MCCC1: variants seen among roughly 807,000 people sequenced by gnomAD.
MCCC1 encodes the protein methylcrotonyl-CoA carboxylase subunit 1.
Under a neutral mutation model 83.8 loss-of-function variants are expected in MCCC1, and 64 were observed. That is an observed-to-expected ratio of 0.76 (90% CI 0.62 to 0.94). MCCC1 has a LOEUF of 0.94. Among genes scored for constraint, MCCC1 ranks in the 40% least tolerant of loss-of-function variants. The pLI, the probability that MCCC1 is intolerant of heterozygous loss-of-function variation, is 0.00. For missense variants in MCCC1, 807 were observed against 904.7 expected (o/e 0.89, Z 1.39); for synonymous variants, 322 against 315.4 (o/e 1.02, Z -0.22).
intron 4 of MCCC1, among the ~76,000 whole-genome samples, chr3:183,079,908 G>C (rs889485111): frequency 1.8e-4 from 27 of 152,178 alleles, no homozygotes; most frequent in African/African-American, 6.3e-4. Context: ...CAAGGCTTGG[G>C]GCTTCCACCC....
chr3:183,067,819 C>G (rs1244901917), intron 7 of MCCC1, among the ~76,000 whole-genome samples: 2 of 152,192 alleles, frequency 1.3e-5, no homozygotes, highest in African/African-American at 4.8e-5. Flanking sequence ...TTACTTTGCT[C>G]TACTGTTGTG....
chr3:183,049,439 C>T (rs918518996), intron 9 of MCCC1, among the ~76,000 whole-genome samples: 2 of 151,728 alleles, frequency 1.3e-5, no homozygotes, highest in African/African-American at 4.8e-5. Flanking sequence ...GGTGTAGTGG[C>T]GTGCACCTGT....
intron 4 of MCCC1, among the ~76,000 whole-genome samples, chr3:183,074,031 G>C (rs1716885477): frequency 2.0e-5 from 3 of 152,224 alleles, no homozygotes; most frequent in Non-Finnish European, 4.4e-5. Context: ...AAAGCAGACT[G>C]TGCAAGATCT....
intron 18 of MCCC1, among the ~76,000 whole-genome samples, chr3:183,016,686 T>C (rs1711662986): frequency 1.3e-5 from 2 of 152,236 alleles, no homozygotes; most frequent in African/African-American, 4.8e-5. Context: ...CTGAGGAGCA[T>C]ATTCAACGTG....
At chr3:183,103,595 G>GTTTACAAACCTTGGTGTA (rs1469270532), upstream of MCCC1, among the ~76,000 whole-genome samples, 1 of 152,076 alleles carries the variant, frequency 6.6e-6, no homozygotes, top group African/African-American at 2.4e-5. Flanking sequence ...TGATTGGTGT[G>GTTTACAAACCTTGGTGTA]TTTACAAACC....
intron 1 of MCCC1, among the ~76,000 whole-genome samples, chr3:183,112,628 C>T (rs557148874): frequency 6.6e-6 from 1 of 152,130 alleles, no homozygotes; most frequent in Non-Finnish European, 1.5e-5. Flanking sequence ...CATCTATATC[C>T]CACCTATCAC....
At chr3:183,075,033 G>A (rs867136522) in intron 4 of MCCC1, among the ~76,000 whole-genome samples, 14 of 152,134 alleles carry the variant, frequency 9.2e-5, no homozygotes, top group South Asian at 8.3e-4. Flanking sequence ...CCATGTTCCC[G>A]CAAAAGATGT....
At chr3:183,070,905 A>ATACTAC in intron 7 of MCCC1, 94 bp downstream of exon 7, 1 of 1,362,822 alleles carries the variant, frequency 7.3e-7, no homozygotes, top group Non-Finnish European at 1.0e-6. Flanking sequence ...ATATACTTAT[A>ATACTAC]TACTACTACA....
chr3:183,106,656 C>T (rs1719411962), intron 1 of MCCC1, among the ~76,000 whole-genome samples: 3 of 151,972 alleles, frequency 2.0e-5, no homozygotes. Flanking sequence ...TCCACCATAC[C>T]AGGCTAATTT....
intron 8 of MCCC1, 91 bp downstream of exon 8, chr3:183,057,218 TGA>T: frequency 9.6e-7 from 1 of 1,037,208 alleles, no homozygotes; most frequent in Non-Finnish European, 1.5e-6. Flanking sequence ...GTTTGAGGGG[TGA>T]GAGACACCAG....
rs10937105 is a variant in MCCC1 at position 183,017,624 on chromosome 3, A to T, written c.1978-287T>A. The T allele has an allele frequency of 0.92, 389,449 of 423,360 alleles. 179,616 individuals are homozygous for T. Among genetic ancestry groups the T allele is most frequent in the East Asian group, 1 (20,965 of 20,978 alleles). 26.2% of individuals were successfully genotyped at this position (423,360 alleles called of 1,614,324 possible). The stretch of plus-strand genomic sequence containing the variant: ...TCAGAGGCCTACAGCCCAAATATAC[A>T]GGTCAAATCTGAGACCTACAGCCCA... On this transcript the variant is annotated intron_variant, in intron 17 of 18. Transcript: ENST00000265594.
intron 5 of MCCC1, among the ~76,000 whole-genome samples, chr3:183,071,905 G>A (rs527868816): frequency 7.4e-6 from 1 of 134,604 alleles, no homozygotes; most frequent in East Asian, 2.2e-4. Context: ...GTCTTACTCT[G>A]TCACCCAGAC....
At chr3:183,114,923 A>G (rs1719565158) in intron 1 of MCCC1, among the ~76,000 whole-genome samples, 1 of 152,124 alleles carries the variant, frequency 6.6e-6, no homozygotes, top group Non-Finnish European at 1.5e-5. Context: ...CCTGCAAACC[A>G]AGCTCCTTTG....
chr3:183,017,849 A>G (rs1711800199), intron 17 of MCCC1: 1 of 107,866 alleles, frequency 9.3e-6, no homozygotes, highest in Admixed American at 9.2e-5. Flanking sequence ...TACAGCCCAA[A>G]TGCACTGGTC....
intron 4 of MCCC1, among the ~76,000 whole-genome samples, chr3:183,080,432 A>C (rs1717403859): frequency 6.6e-6 from 1 of 152,240 alleles, no homozygotes; most frequent in East Asian, 1.9e-4. Flanking sequence ...AACAAGAGTC[A>C]CCTTTGCTCC....
At chr3:183,045,122 C>G (rs1045582602) in intron 10 of MCCC1, among the ~76,000 whole-genome samples, 2 of 151,242 alleles carry the variant, frequency 1.3e-5, no homozygotes, top group African/African-American at 4.9e-5. Context: ...GATGGAGTAC[C>G]CAGGCTGGAA....
chr3:183,054,750 C>G (rs1340700958), intron 8 of MCCC1, among the ~76,000 whole-genome samples: 1 of 152,138 alleles, frequency 6.6e-6, no homozygotes, highest in Non-Finnish European at 1.5e-5. Context: ...CTTGCAGGCT[C>G]CATTCATGGT....
chr3:183,035,788 G>A (rs1158556591), intron 13 of MCCC1, among the ~76,000 whole-genome samples: 1 of 152,014 alleles, frequency 6.6e-6, no homozygotes, highest in Non-Finnish European at 1.5e-5. Context: ...AATGCAAAAA[G>A]TATGTGAGAG....
intron 3 of MCCC1, chr3:183,090,926 G>A (rs1362584155): frequency 2.2e-6 from 1 of 455,200 alleles, no homozygotes; most frequent in Non-Finnish European, 4.4e-6. Context: ...AAGGGATCCA[G>A]AGCACTGACC....
Sources: gnomAD v4.1 joint callset for allele counts (sites outside exome capture counted in the v4.1 genomes callset) on GRCh38, gnomAD v4.1.1 for gene constraint, MANE v1.5 for transcripts, NCBI Gene and HGNC (gene_info 2026-07-23, HGNC 2026-07-21) for gene names.